The following ARMC9 variants were observed in gnomAD, a reference collection of about 807,000 sequenced individuals.
ARMC9 encodes armadillo repeat containing 9.
In ARMC9, 94 loss-of-function variants were observed where a neutral mutation model predicts 107.0. That is an observed-to-expected ratio of 0.88 (90% CI 0.74 to 1.04). ARMC9 has a LOEUF of 1.04. Ranked by LOEUF, ARMC9 falls within the 50% of genes least tolerant of loss-of-function variation. The pLI, the probability that ARMC9 is intolerant of heterozygous loss-of-function variation, is 0.00. For synonymous variants in ARMC9, 380 were observed against 396.9 expected (o/e 0.96, Z 0.51); for missense variants, 942 against 1,030.1 (o/e 0.91, Z 1.17).
intron 12 of ARMC9, among the ~76,000 whole-genome samples, chr2:231,266,724 G>T (rs1051205378): frequency 6.6e-6 from 1 of 152,054 alleles, no homozygotes; most frequent in Non-Finnish European, 1.5e-5. Flanking sequence ...TTTGTGACTG[G>T]CTTATTTCAC....
intron 21 of ARMC9, among the ~76,000 whole-genome samples, chr2:231,353,980 TACACACACACACACACACAC>T (rs35433958): frequency 8.9e-5 from 12 of 135,376 alleles, no homozygotes; most frequent in African/African-American, 2.8e-4. Context: ...TATGTATATA[TACACACACACACACACACAC>T]ACACACACAC....
chr2:231,335,707 G>A (rs1419004774), intron 20 of ARMC9, among the ~76,000 whole-genome samples: 1 of 152,196 alleles, frequency 6.6e-6, no homozygotes, highest in East Asian at 1.9e-4. Flanking sequence ...GTTCAAGACT[G>A]CTGACTTTCC....
chr2:231,295,065 G>T (rs1487640140), intron 18 of ARMC9: 2 of 152,190 alleles, frequency 1.3e-5, no homozygotes, highest in Non-Finnish European at 2.9e-5. Flanking sequence ...AAATGTGGGT[G>T]CACCCTGCCT....
intron 8 of ARMC9, among the ~76,000 whole-genome samples, chr2:231,239,682 A>G (rs1281290759): frequency 6.6e-6 from 1 of 152,232 alleles, no homozygotes. Context: ...AGATAGCTGA[A>G]GTGGAGTCAG....
In ARMC9 at chr2:231,358,139, G is replaced by A. The variant is rs1303656990; in HGVS notation, c.2131+2205G>A. ...TGCTTCTGTGCTCCATCTGGGCTTT[G>A]CAGATAGGGGGACTGCGGTTAAGTC... is the stretch of plus-strand genomic sequence containing the variant. On this transcript the variant is annotated intron_variant, in intron 22 of 24. Transcript: ENST00000611582. This position sits in a 1 kb window ranked among gnomAD's most constrained non-coding sequence, Gnocchi z 4.5. Among the ~76,000 whole-genome samples the A allele has an allele frequency of 2.6e-5, 4 of 152,216 alleles. No individual in the cohort carries two copies. Among genetic ancestry groups the A allele is most frequent in the Non-Finnish European group, 5.9e-5 (4 of 68,044 alleles).
chr2:231,208,280 G>A (rs987493596), intron 3 of ARMC9, 28 bp downstream of exon 3: 1 of 1,558,854 alleles, frequency 6.4e-7, no homozygotes, highest in Admixed American at 1.7e-5. Context: ...TTTCATCCCT[G>A]TAGATAATTC....
At chr2:231,317,355 G>T (rs1345755583) in intron 19 of ARMC9, among the ~76,000 whole-genome samples, 1 of 151,992 alleles carries the variant, frequency 6.6e-6, no homozygotes, top group African/African-American at 2.4e-5. Flanking sequence ...ATTTTTAGTC[G>T]AGGCAGGGTT....
At chr2:231,341,543 G>A (rs1234006516) in intron 20 of ARMC9, among the ~76,000 whole-genome samples, 2 of 151,152 alleles carry the variant, frequency 1.3e-5, no homozygotes, top group Admixed American at 6.6e-5. Flanking sequence ...GAAGGAGAGG[G>A]TGAATATTAT....
At chr2:231,252,529 C>G (rs908843733) in intron 9 of ARMC9, among the ~76,000 whole-genome samples, 1 of 152,256 alleles carries the variant, frequency 6.6e-6, no homozygotes, top group Non-Finnish European at 1.5e-5. Flanking sequence ...GGATTACAGG[C>G]ATGAGCCACC....
chr2:231,260,627 T>C (rs1425076326), intron 11 of ARMC9, among the ~76,000 whole-genome samples: 1 of 152,142 alleles, frequency 6.6e-6, no homozygotes, highest in African/African-American at 2.4e-5. Context: ...TGGTGTCTGC[T>C]CTGGTTTTGT....
chr2:231,375,488 T>C lies in ARMC9; in HGVS notation c.*3953T>C, dbSNP rs777247224. Reference sequence around the variant, plus strand: ...GTTCAGAGCTTTGCAGGACCAAATCTTTTAGGGCTGTTTTTCCATTGTGGT... The same window carrying C: ...GTTCAGAGCTTTGCAGGACCAAATCCTTTAGGGCTGTTTTTCCATTGTGGT... On this transcript the variant is annotated 3_prime_UTR_variant, in exon 25 of 25. Coordinates refer to ENST00000611582, the MANE Select transcript of ARMC9 (RefSeq NM_001352754.2). The surrounding 1 kb of genome is among the most constrained non-coding windows in gnomAD (Gnocchi z 4.3). 3.3e-5 allele frequency among the ~76,000 whole-genome samples: 5 copies of C among 152,240 alleles called. No individual in the cohort carries two copies. The highest frequency in any genetic ancestry group is 7.3e-5 in the Non-Finnish European group (5 of 68,048).
At chr2:231,240,759 C>G (rs908171781) in intron 9 of ARMC9, among the ~76,000 whole-genome samples, 1 of 152,190 alleles carries the variant, frequency 6.6e-6, no homozygotes, top group Admixed American at 6.5e-5. Context: ...CACTGCATTT[C>G]CCGTCCTCTG....
At chr2:231,350,995 G>A (rs2045051111) in intron 21 of ARMC9, among the ~76,000 whole-genome samples, 1 of 98,588 alleles carries the variant, frequency 1.0e-5, no homozygotes, top group South Asian at 3.7e-4. Context: ...GTCTCGCTCT[G>A]TCAGCCAGGC....
At chr2:231,246,804 A>G (rs937189041) in intron 9 of ARMC9, among the ~76,000 whole-genome samples, 12 of 152,112 alleles carry the variant, frequency 7.9e-5, no homozygotes, top group Non-Finnish European at 1.8e-4. Context: ...ATTCCCACGA[A>G]CACATACAGA....
rs764280289 is a variant in ARMC9, at chr2:231,358,161, A to G, written c.2131+2227A>G. On this transcript the variant is annotated intron_variant, in intron 22 of 24. Transcript: ENST00000611582. The surrounding 1 kb of genome is among the most constrained non-coding windows in gnomAD (Gnocchi z 4.5). Reference sequence around the variant, plus strand: ...TTTGCAGATAGGGGGACTGCGGTTAAGTCCATTAAGCCAGGGTATGAATGA... The same window carrying G: ...TTTGCAGATAGGGGGACTGCGGTTAGGTCCATTAAGCCAGGGTATGAATGA... Among the ~76,000 whole-genome samples, 1 of 152,128 alleles carries G rather than the reference A, an allele frequency of 6.6e-6. No homozygotes were observed. Among genetic ancestry groups the G allele is most frequent in the Admixed American group, 6.5e-5 (1 of 15,274 alleles).
At chr2:231,254,024 G>A (rs1038948157) in intron 9 of ARMC9, among the ~76,000 whole-genome samples, 8 of 152,212 alleles carry the variant, frequency 5.3e-5, no homozygotes, top group Non-Finnish European at 1.0e-4. Flanking sequence ...AGGTGATGTT[G>A]GATGGCCTGG....
intron 19 of ARMC9, among the ~76,000 whole-genome samples, chr2:231,296,991 G>A (rs1300981325): frequency 6.6e-6 from 1 of 152,174 alleles, no homozygotes; most frequent in African/African-American, 2.4e-5. Context: ...CTATTTTGGG[G>A]GGAGCATTCA....
In ARMC9 at chr2:231,259,215, C is replaced by T. The variant is rs1272221406; in HGVS notation, c.1026+113C>T. ...ATCTTCCAGAAATCTTTCTTCCCCG[C>T]TGTCTGCTGACACCAAGAACGGAAG... is the stretch of plus-strand genomic sequence containing the variant. On this transcript the variant is annotated intron_variant, in intron 11 of 24. Coordinates refer to ENST00000611582, the MANE Select transcript of ARMC9 (RefSeq NM_001352754.2). 10 of 918,834 alleles carry T rather than the reference C, an allele frequency of 1.1e-5. No individual in the cohort carries two copies. The Admixed American group carries it at 1.4e-4, about 13-fold the overall frequency. The allele number at this position is 918,834 out of a possible 1,614,324, so 56.9% of individuals were successfully genotyped here.
At chr2:231,291,758 T>G (rs1258152906) in intron 18 of ARMC9, among the ~76,000 whole-genome samples, 1 of 149,510 alleles carries the variant, frequency 6.7e-6, no homozygotes, top group African/African-American at 2.5e-5. Flanking sequence ...GAAGTTGCAG[T>G]GAGCCGAGAT....
Sources: gnomAD v4.1 joint callset for allele counts (sites outside exome capture counted in the v4.1 genomes callset) on GRCh38, gnomAD v4.1.1 for gene constraint, Gnocchi (gnomAD v3.1) non-coding constraint, MANE v1.5 for transcripts, NCBI Gene and HGNC (gene_info 2026-07-23, HGNC 2026-07-21) for gene names.